SSBP1: variants seen among roughly 807,000 people sequenced by gnomAD.
SSBP1 encodes the protein single stranded DNA binding protein 1.
In SSBP1, 20 loss-of-function variants were observed where a neutral mutation model predicts 27.0. That is an observed-to-expected ratio of 0.74 (90% CI 0.52 to 1.08). SSBP1 has a LOEUF of 1.08. Ranked by LOEUF, SSBP1 falls within the 50% of genes least tolerant of loss-of-function variation. The pLI is 0.00. For missense variants in SSBP1, 137 were observed against 182.4 expected, an observed-to-expected ratio of 0.75 and a Z score of 1.44; for synonymous variants, 59 against 59.3, an observed-to-expected ratio of 1.00 and a Z score of 0.02.
intron 6 of SSBP1, among the ~76,000 whole-genome samples, chr7:141,747,803 A>G (rs1799837885): frequency 6.6e-6 from 1 of 150,430 alleles, no homozygotes; most frequent in African/African-American, 2.4e-5. Context: ...GTTCAAGACC[A>G]GCCTGGGAAC....
intron 1 of SSBP1, 40 bp from the exon 2 acceptor site, chr7:141,739,082 TAA>T (rs1178924192): frequency 8.1e-7 from 1 of 1,230,020 alleles, no homozygotes; most frequent in East Asian, 2.4e-5. Flanking sequence ...ACTTTTGCCA[TAA>T]GAGGTAATGT....
chr7:141,749,256 T>C (rs57042036), intron 6 of SSBP1, among the ~76,000 whole-genome samples: 2,136 of 152,346 alleles, frequency 0.014, 53 homozygotes, highest in African/African-American at 0.049. Flanking sequence ...ATGTGATTAC[T>C]ATACCATTTT....
intron 5 of SSBP1, 128 bp from the exon 6 acceptor site, chr7:141,745,368 G>T: frequency 1.4e-6 from 1 of 691,200 alleles, no homozygotes. Context: ...CTTGAGAAGT[G>T]GTAGCAAAAA....
chr7:141,738,507 G>A (rs767628710), intron 1 of SSBP1, 97 bp downstream of exon 1: 2 of 152,820 alleles, frequency 1.3e-5, no homozygotes, highest in African/African-American at 2.4e-5. Flanking sequence ...TTTCTGTGTA[G>A]GTGTCTGGCC....
At chr7:141,738,528 T>G (rs1365526821) in intron 1 of SSBP1, 118 bp downstream of exon 1, 2 of 152,728 alleles carry the variant, frequency 1.3e-5, no homozygotes, top group Non-Finnish European at 2.9e-5. Flanking sequence ...CTTTCATCAG[T>G]CGTGCGGAGG....
chr7:141,745,940 T>A, intron 6 of SSBP1: 2 of 1,015,726 alleles, frequency 2.0e-6, no homozygotes, highest in Middle Eastern at 4.8e-4. Context: ...AGATAAGAAT[T>A]ACACTAATGT....
chr7:141,743,907 G>A lies in SSBP1; in HGVS notation c.232G>A (p.Val78Ile), dbSNP rs767599376. ...TTCCTATTTTTATGATTTAGGTGAT[G>A]TCAGTCAAAAGACAACATGGCACAG... ...GDSEVYQLGD[V>I]SQKTTWHRIS... is the part of the protein sequence containing the mutation. The change falls in exon 5 of 7, where the codon GTC becomes ATC. Residue 78 changes from valine to isoleucine, a missense_variant. This residue lies in a region of SSBP1 where 95 missense variants were observed against 152.0 expected (regional missense o/e 0.62). Transcript: ENST00000265304. 6 of 1,609,748 alleles carry A rather than the reference G, an allele frequency of 3.7e-6. No homozygotes were observed. The highest frequency in any genetic ancestry group is 1.1e-5 in the South Asian group (1 of 90,260).
In SSBP1 at chr7:141,744,150, G is replaced by T. The variant is rs60570179; in HGVS notation, c.314+161G>T. Among the ~76,000 whole-genome samples, 319 of 152,284 alleles carry T rather than the reference G, an allele frequency of 2.1e-3. 2 individuals are homozygous for T. Among genetic ancestry groups the T allele is most frequent in the African/African-American group, 7.2e-3 (299 of 41,530 alleles). On this transcript the variant is annotated intron_variant, in intron 5 of 6. Coordinates refer to ENST00000265304, the MANE Select transcript of SSBP1 (RefSeq NM_003143.3). ...CTAAGTCCTTGATACTATATGCATG[G>T]CATGTTGCCATGTGTGACTAATTTG...
chr7:141,742,462 A>G (rs533858741), intron 3 of SSBP1, among the ~76,000 whole-genome samples: 9 of 152,298 alleles, frequency 5.9e-5, no homozygotes, highest in African/African-American at 1.7e-4. Context: ...ACTGTCCTGC[A>G]TAAGAATTTC....
intron 3 of SSBP1, among the ~76,000 whole-genome samples, chr7:141,742,842 C>G (rs1359278436): frequency 4.6e-5 from 7 of 152,158 alleles, no homozygotes; most frequent in African/African-American, 1.4e-4. Flanking sequence ...GGACATTTCT[C>G]TCAGTCTTGA....
At chr7:141,743,798 ATC>A in intron 4 of SSBP1, 97 bp downstream of exon 4, 1 of 1,540,634 alleles carries the variant, frequency 6.5e-7, no homozygotes, top group Non-Finnish European at 8.8e-7. Flanking sequence ...TTTAAACAAG[ATC>A]TGTCTTTCAT....
intron 3 of SSBP1, among the ~76,000 whole-genome samples, chr7:141,743,092 A>G (rs566464566): frequency 2.0e-5 from 3 of 152,154 alleles, no homozygotes; most frequent in Non-Finnish European, 4.4e-5. Flanking sequence ...TGACCTTGTG[A>G]TCCGCCCGCC....
At chr7:141,743,452 A>G in intron 3 of SSBP1, 109 bp from the exon 4 acceptor site, 1 of 1,306,958 alleles carries the variant, frequency 7.7e-7, no homozygotes, top group Non-Finnish European at 1.1e-6. Context: ...CCACTTCCAA[A>G]TACCATTACA....
chr7:141,745,429 C>A, intron 5 of SSBP1, 67 bp from the exon 6 acceptor site: 1 of 1,382,742 alleles, frequency 7.2e-7, no homozygotes. Context: ...CTCAGTACCA[C>A]CCTGACCTGA....
chr7:141,743,922 A>G lies in SSBP1; in HGVS notation c.247A>G (p.Thr83Ala). Residue 83 changes from threonine to alanine, a missense_variant, in exon 5 of 7, where the codon ACA becomes GCA. Transcript: ENST00000265304. ...TTTAGGTGATGTCAGTCAAAAGACA[A>G]CATGGCACAGAATATCAGTATTCCG... ...YQLGDVSQKT[T>A]WHRISVFRPG... is the part of the protein sequence containing the mutation. 6.2e-7 allele frequency: 1 copy of G among 1,612,066 alleles called. No individual in the cohort carries two copies. Among genetic ancestry groups the G allele is most frequent in the Non-Finnish European group, 8.5e-7 (1 of 1,179,852 alleles).
rs778082122 is a variant in SSBP1, at chr7:141,743,854, A to G, written c.227-48A>G. The G allele has an allele frequency of 5.7e-6, 9 of 1,580,148 alleles. No homozygotes were observed. The East Asian group carries it at 6.7e-5, about 12-fold the overall frequency. On this transcript the variant is annotated intron_variant, in intron 4 of 6. Transcript: ENST00000265304. Reference sequence around the variant, plus strand: ...AATCGTGACATTGGTTTTCCTGGGCATGTTGTCTGTTGGCATTTGTAACCA... The same window carrying G: ...AATCGTGACATTGGTTTTCCTGGGCGTGTTGTCTGTTGGCATTTGTAACCA...
At chr7:141,747,881 C>T (rs1584771275) in intron 6 of SSBP1, among the ~76,000 whole-genome samples, 1 of 150,194 alleles carries the variant, frequency 6.7e-6, no homozygotes, top group African/African-American at 2.4e-5. Flanking sequence ...GTCTGTAGTC[C>T]CAGCTACTCA....
chr7:141,746,427 A>C (rs902999360), intron 6 of SSBP1: 4 of 152,108 alleles, frequency 2.6e-5, no homozygotes, highest in African/African-American at 9.7e-5. Flanking sequence ...TGCAGCCTCT[A>C]CCTCCCCAGG....
At chr7:141,741,635 C>G (rs888212150) in intron 2 of SSBP1, 1 of 240,192 alleles carries the variant, frequency 4.2e-6, no homozygotes, top group African/African-American at 2.3e-5. Context: ...TTTCTAAAGT[C>G]TACTGTAACC....
Sources: allele counts gnomAD v4.1 joint callset (sites outside exome capture counted in the v4.1 genomes callset), GRCh38; gene constraint gnomAD v4.1.1; regional missense constraint gnomAD v4.1.1; transcripts MANE v1.5; gene names NCBI Gene and HGNC (gene_info 2026-07-23, HGNC 2026-07-21).